The following KMT2C variants were observed in gnomAD, a reference collection of about 807,000 sequenced individuals.
KMT2C encodes the protein lysine methyltransferase 2C.
In KMT2C, 88 loss-of-function variants were observed where a neutral mutation model predicts 507.9. The observed-to-expected ratio is 0.17, with a 90% CI of 0.15 to 0.21. The LOEUF (loss-of-function observed/expected upper bound fraction) is 0.21. Ranked by LOEUF, KMT2C falls within the 10% of genes least tolerant of loss-of-function variation. The probability of loss-of-function intolerance (pLI) is 1.00; values close to 1 mark genes in which losing one functional copy is unlikely to be tolerated. For synonymous variants in KMT2C, 2,049 were observed against 2,080.8 expected, an observed-to-expected ratio of 0.98 and a Z score of 0.42; for missense variants, 4,954 against 5,957.8, an observed-to-expected ratio of 0.83 and a Z score of 5.55.
At chr7:152,353,913 C>T (rs2097132959) in intron 2 of KMT2C, among the ~76,000 whole-genome samples, 1 of 152,172 alleles carries the variant, frequency 6.6e-6, no homozygotes, top group Non-Finnish European at 1.5e-5. Flanking sequence ...TATGTTAAAA[C>T]CTTGCAGCAA....
rs751448215 is a variant in KMT2C at position 152,315,171 on chromosome 7, T to C, written c.557A>G (p.Asn186Ser). 1 of 1,614,084 alleles carries C rather than the reference T, an allele frequency of 6.2e-7. No homozygotes were observed. The highest frequency in any genetic ancestry group is 8.5e-7 in the Non-Finnish European group (1 of 1,179,974). ...NSNGTYEKMQ[N>S]SAPRKQRGQR... is the part of the protein sequence containing the mutation. ...TCCTCTTTGTTTTCGTGGTGCTGAG[T>C]TTTGCATTTTCTCATAGGTTCCATT... Residue 186 changes from asparagine (N) to serine (S), a missense_variant, in exon 4 of 59, where the codon AAC becomes AGC. Asn to Ser is a conservative substitution (Grantham distance 46). Transcript: ENST00000262189.
intron 2 of KMT2C, among the ~76,000 whole-genome samples, chr7:152,356,017 A>C (rs1465163543): frequency 6.6e-6 from 1 of 152,066 alleles, no homozygotes; most frequent in African/African-American, 2.4e-5. Flanking sequence ...AATACATGAG[A>C]GGGGACACAA....
At chr7:152,255,350 G>A (rs2095643270) in intron 9 of KMT2C, among the ~76,000 whole-genome samples, 1 of 151,342 alleles carries the variant, frequency 6.6e-6, no homozygotes, top group South Asian at 2.1e-4. Flanking sequence ...TGTATTTGTA[G>A]AGAGGCAGTT....
intron 6 of KMT2C, among the ~76,000 whole-genome samples, chr7:152,294,932 T>C (rs1355728409): frequency 6.6e-6 from 1 of 152,198 alleles, no homozygotes; most frequent in African/African-American, 2.4e-5. Flanking sequence ...GTCAGTTTGA[T>C]TTGCCACCAC....
At chr7:152,350,141 T>C (rs1188991730) in intron 2 of KMT2C, among the ~76,000 whole-genome samples, 2 of 152,056 alleles carry the variant, frequency 1.3e-5, no homozygotes. Flanking sequence ...TCCCAGCTAC[T>C]CGGGAGGCTG....
intron 51 of KMT2C, among the ~76,000 whole-genome samples, chr7:152,150,203 A>G (rs937795764): frequency 3.3e-5 from 5 of 152,270 alleles, no homozygotes; most frequent in African/African-American, 1.2e-4. Flanking sequence ...CAAGTAAAGC[A>G]GACCTCTTTC....
At chr7:152,428,379 GAGGC>G (rs2097840348) in intron 1 of KMT2C, among the ~76,000 whole-genome samples, 1 of 150,884 alleles carries the variant, frequency 6.6e-6, no homozygotes, top group Non-Finnish European at 1.5e-5. Flanking sequence ...TTGGGAGGCT[GAGGC>G]AGGTGGATCA....
rs1310957040 is a variant in KMT2C at position 152,358,572 on chromosome 7, C to A, written c.250+15G>T. ...GCATCATTATACATTCTTATAAATTCTTGAGTTCTGATACCTGTTTCCACA... is the reference window on the plus strand; with the variant it reads ...GCATCATTATACATTCTTATAAATTATTGAGTTCTGATACCTGTTTCCACA... On this transcript the variant is annotated intron_variant, in intron 2 of 58. Coordinates refer to ENST00000262189, the MANE Select transcript of KMT2C (RefSeq NM_170606.3). 3 of 1,511,610 alleles carry A rather than the reference C, an allele frequency of 2.0e-6. No individual in the cohort carries two copies. Among genetic ancestry groups the A allele is most frequent in the Non-Finnish European group, 2.8e-6 (3 of 1,089,124 alleles). 93.6% of individuals were successfully genotyped at this position (1,511,610 alleles called of 1,614,324 possible).
intron 6 of KMT2C, among the ~76,000 whole-genome samples, chr7:152,309,604 C>A (rs2096652803): frequency 6.7e-6 from 1 of 149,862 alleles, no homozygotes; most frequent in Non-Finnish European, 1.5e-5. Context: ...CGGGCAACCT[C>A]CACCTCCCAG....
At chr7:152,279,053 T>C (rs1318059703) in intron 6 of KMT2C, among the ~76,000 whole-genome samples, 3 of 152,124 alleles carry the variant, frequency 2.0e-5, no homozygotes, top group African/African-American at 7.2e-5. Context: ...TCCACATGTA[T>C]GGTCGTAAAG....
chr7:152,332,387 C>T (rs192409503), intron 2 of KMT2C, among the ~76,000 whole-genome samples: 2 of 152,258 alleles, frequency 1.3e-5, no homozygotes, highest in East Asian at 3.9e-4. Context: ...TTATTTAGAC[C>T]TTTCTGCATC....
At chr7:152,212,967 C>A (rs1006877523) in intron 23 of KMT2C, among the ~76,000 whole-genome samples, 2 of 152,254 alleles carry the variant, frequency 1.3e-5, no homozygotes, top group African/African-American at 4.8e-5. Context: ...ATTGCTTGAA[C>A]CCAGGAGGCG....
chr7:152,422,993 G>A (rs1201858494), intron 1 of KMT2C, among the ~76,000 whole-genome samples: 1 of 146,266 alleles, frequency 6.8e-6, no homozygotes, highest in Non-Finnish European at 1.5e-5. Context: ...CTCCAGCCTG[G>A]GCAACAGAGC....
At chr7:152,191,488 C>T (rs192589305) in intron 31 of KMT2C, among the ~76,000 whole-genome samples, 7 of 152,298 alleles carry the variant, frequency 4.6e-5, no homozygotes, top group Admixed American at 1.3e-4. Context: ...TCAATCAGCA[C>T]GGAAGTATCT....
intron 9 of KMT2C, among the ~76,000 whole-genome samples, chr7:152,253,631 C>T (rs2095599472): frequency 6.6e-6 from 1 of 151,154 alleles, no homozygotes; most frequent in South Asian, 2.1e-4. Flanking sequence ...GAGTTTGAGG[C>T]TGCAGGGAGC....
intron 6 of KMT2C, among the ~76,000 whole-genome samples, chr7:152,290,724 T>C (rs1025508592): frequency 1.3e-5 from 2 of 152,120 alleles, no homozygotes; most frequent in Non-Finnish European, 2.9e-5. Context: ...AGCTTTGGTT[T>C]AGTATCAAAC....
chr7:152,147,507 A>C (rs951715513), intron 52 of KMT2C, among the ~76,000 whole-genome samples: 2 of 151,860 alleles, frequency 1.3e-5, no homozygotes, highest in Non-Finnish European at 2.9e-5. Flanking sequence ...AACATGCTGA[A>C]ACCCTAAAAT....
chr7:152,358,722 A>G, intron 1 of KMT2C, 47 bp from the exon 2 acceptor site: 1 of 1,244,384 alleles, frequency 8.0e-7, no homozygotes, highest in Non-Finnish European at 1.1e-6. Context: ...TAAATGTTAA[A>G]TTTTAAGGCT....
At chr7:152,227,587 T>C (rs4024386) in intron 18 of KMT2C, among the ~76,000 whole-genome samples, 8 of 152,176 alleles carry the variant, frequency 5.3e-5, no homozygotes, top group African/African-American at 1.7e-4. Flanking sequence ...TTTTCCAGAA[T>C]GCTGCCCAGG....
Sources: gnomAD v4.1 joint callset for allele counts (sites outside exome capture counted in the v4.1 genomes callset) on GRCh38, gnomAD v4.1.1 for gene constraint, MANE v1.5 for transcripts, NCBI Gene and HGNC (gene_info 2026-07-23, HGNC 2026-07-21) for gene names.